PRKN: variants seen among roughly 807,000 people sequenced by gnomAD.
PRKN encodes the protein E3 ubiquitin-protein ligase parkin.
Under a neutral mutation model 59.5 loss-of-function variants are expected in PRKN, and 56 were observed. The ratio of observed to expected loss-of-function variants is 0.94; its 90% CI spans 0.76 to 1.18. The LOEUF (loss-of-function observed/expected upper bound fraction) is 1.18. PRKN is among the 50% of genes most tolerant of loss of function. The pLI is 0.00. For synonymous variants in PRKN, 250 were observed against 222.1 expected, an observed-to-expected ratio of 1.13 and a Z score of -1.12; for missense variants, 657 against 596.4, an observed-to-expected ratio of 1.10 and a Z score of -1.06.
At chr6:162,448,951 G>A (rs1041271697) in intron 1 of PRKN, among the ~76,000 whole-genome samples, 7 of 148,972 alleles carry the variant, frequency 4.7e-5, no homozygotes, top group South Asian at 2.1e-4. Flanking sequence ...GCAGTGGCAC[G>A]ATCTCAGCTC....
chr6:162,015,448 G>A (rs190941809), intron 5 of PRKN, among the ~76,000 whole-genome samples: 28 of 152,286 alleles, frequency 1.8e-4, no homozygotes, highest in African/African-American at 6.3e-4. Flanking sequence ...CAGAAGCGCA[G>A]AACCAACTCA....
intron 4 of PRKN, among the ~76,000 whole-genome samples, chr6:162,063,009 C>T (rs988799282): frequency 6.6e-6 from 1 of 151,916 alleles, no homozygotes; most frequent in Non-Finnish European, 1.5e-5. Context: ...ATATAAATAT[C>T]TCACTCAATA....
At chr6:162,471,861 T>A (rs555186101) in intron 1 of PRKN, among the ~76,000 whole-genome samples, 3 of 152,352 alleles carry the variant, frequency 2.0e-5, no homozygotes, top group East Asian at 1.9e-4. Flanking sequence ...TTTTTGGAAT[T>A]GATTTTTAAA....
intron 7 of PRKN, among the ~76,000 whole-genome samples, chr6:161,733,028 C>T (rs528837114): frequency 1.3e-5 from 2 of 151,850 alleles, no homozygotes; most frequent in South Asian, 2.1e-4. Flanking sequence ...ATGCTGCTAA[C>T]AGAAAAAAAC....
chr6:162,216,688 G>C (rs1031840301), intron 3 of PRKN, among the ~76,000 whole-genome samples: 1 of 152,004 alleles, frequency 6.6e-6, no homozygotes, highest in Non-Finnish European at 1.5e-5. Context: ...CCATCATTGG[G>C]CTTTAATGTT....
chr6:161,962,478 C>G (rs1780416283), intron 6 of PRKN, among the ~76,000 whole-genome samples: 1 of 150,238 alleles, frequency 6.7e-6, no homozygotes, highest in South Asian at 2.1e-4. Flanking sequence ...ACCTTAAACA[C>G]AAAGCTTAAC....
At chr6:161,741,209 A>T (rs1268932087) in intron 7 of PRKN, among the ~76,000 whole-genome samples, 1 of 152,180 alleles carries the variant, frequency 6.6e-6, no homozygotes, top group Non-Finnish European at 1.5e-5. Flanking sequence ...CTGTCAGCTA[A>T]TGAGACAATT....
chr6:161,622,962 C>A (rs535175717), intron 7 of PRKN, among the ~76,000 whole-genome samples: 1 of 152,192 alleles, frequency 6.6e-6, no homozygotes, highest in East Asian at 1.9e-4. Context: ...CTTGTCTTGG[C>A]AAAAGCATAT....
chr6:162,457,288 C>T (rs1467711768), intron 1 of PRKN, among the ~76,000 whole-genome samples: 1 of 152,060 alleles, frequency 6.6e-6, no homozygotes, highest in Non-Finnish European at 1.5e-5. Flanking sequence ...GAAACAATAT[C>T]AAATTTCAGA....
chr6:161,362,509 G>A lies in PRKN; in HGVS notation c.1168-2304C>T, dbSNP rs990197758. Reference sequence around the variant, plus strand: ...GTGACGTTCTCAGTGGAGGAAGCCAGGGCAAAAGCCCGCCCTGAAGAGATA... The same window carrying A: ...GTGACGTTCTCAGTGGAGGAAGCCAAGGCAAAAGCCCGCCCTGAAGAGATA... On this transcript the variant is annotated intron_variant, in intron 10 of 11. Coordinates refer to ENST00000366898, the MANE Select transcript of PRKN (RefSeq NM_004562.3). This position sits in a 1 kb window ranked among gnomAD's most constrained non-coding sequence, Gnocchi z 5.2. 1.3e-5 allele frequency among the ~76,000 whole-genome samples: 2 copies of A among 152,194 alleles called. No homozygotes were observed. Among genetic ancestry groups the A allele is most frequent in the Non-Finnish European group, 2.9e-5 (2 of 68,042 alleles).
intron 7 of PRKN, among the ~76,000 whole-genome samples, chr6:161,672,075 T>C (rs1158337901): frequency 6.6e-6 from 1 of 152,216 alleles, no homozygotes; most frequent in Non-Finnish European, 1.5e-5. Flanking sequence ...TTCAACTTTC[T>C]TGGTAACTCT....
At chr6:161,500,864 G>GTTTTTTT (rs373088841) in intron 9 of PRKN, among the ~76,000 whole-genome samples, 2 of 132,538 alleles carry the variant, frequency 1.5e-5, no homozygotes, top group Non-Finnish European at 1.6e-5. Flanking sequence ...GTTTAGTTTA[G>GTTTTTTT]TTTTTTTTTT....
rs998730427 is a variant in PRKN, at chr6:161,593,703, G to A, written c.872-24287C>T. 3.0e-4 allele frequency among the ~76,000 whole-genome samples: 46 copies of A among 152,304 alleles called. No individual in the cohort carries two copies. Among genetic ancestry groups the A allele is most frequent in the African/African-American group, 1.1e-3 (45 of 41,556 alleles). On this transcript the variant is annotated intron_variant, in intron 7 of 11. Transcript: ENST00000366898. This position sits in a 1 kb window ranked among gnomAD's most constrained non-coding sequence, Gnocchi z 4.8. Reference sequence around the variant, plus strand: ...GAGAGTAGGAAGACTGGGGAAGAGCGAGAGAGGGCTCGAGGAGTTCTGCTT... The same window carrying A: ...GAGAGTAGGAAGACTGGGGAAGAGCAAGAGAGGGCTCGAGGAGTTCTGCTT...
intron 7 of PRKN, among the ~76,000 whole-genome samples, chr6:161,573,644 C>T (rs1408643335): frequency 4.9e-5 from 7 of 141,918 alleles, no homozygotes; most frequent in Non-Finnish European, 4.5e-5. Context: ...GGTGTGAACC[C>T]GGCAGGCGGA....
At chr6:162,695,964 C>T (rs1278912846) in intron 1 of PRKN, among the ~76,000 whole-genome samples, 1 of 152,072 alleles carries the variant, frequency 6.6e-6, no homozygotes, top group Non-Finnish European at 1.5e-5. Context: ...GCCGAAGATT[C>T]ACTGCTTGTA....
intron 4 of PRKN, among the ~76,000 whole-genome samples, chr6:162,076,765 T>C (rs113801479): frequency 2.3e-3 from 347 of 152,304 alleles, no homozygotes; most frequent in Non-Finnish European, 3.9e-3. Context: ...TTTGACTTAA[T>C]AAACCAACTT....
intron 1 of PRKN, among the ~76,000 whole-genome samples, chr6:162,663,364 A>G (rs1389386536): frequency 1.3e-5 from 2 of 151,838 alleles, no homozygotes; most frequent in Non-Finnish European, 2.9e-5. Flanking sequence ...GGGGATGAGC[A>G]CGTAAGGGGA....
intron 6 of PRKN, among the ~76,000 whole-genome samples, chr6:161,814,851 T>A (rs1791706976): frequency 1.3e-5 from 2 of 152,156 alleles, no homozygotes; most frequent in African/African-American, 4.8e-5. Context: ...TTATTCATTA[T>A]CAGGAGAGCA....
chr6:162,679,109 T>TATTTATGA (rs780065550), intron 1 of PRKN, among the ~76,000 whole-genome samples: 22 of 148,410 alleles, frequency 1.5e-4, no homozygotes, highest in Admixed American at 5.5e-4. Context: ...TTTATTTATT[T>TATTTATGA]ATGAATGAAT....
Sources: gnomAD v4.1 joint callset for allele counts (sites outside exome capture counted in the v4.1 genomes callset) on GRCh38, gnomAD v4.1.1 for gene constraint, Gnocchi (gnomAD v3.1) non-coding constraint, MANE v1.5 for transcripts, NCBI Gene and HGNC (gene_info 2026-07-23, HGNC 2026-07-21) for gene names.